The following MPP4 variants were observed in gnomAD, a reference collection of about 807,000 sequenced individuals.
MPP4 encodes the protein MAGUK p55 scaffold protein 4.
A neutral mutation model predicts 98.3 loss-of-function variants in MPP4; 91 were observed. The ratio of observed to expected loss-of-function variants is 0.93; its 90% CI spans 0.78 to 1.10. The LOEUF (loss-of-function observed/expected upper bound fraction) is 1.10. MPP4 is among the 50% of genes least tolerant of loss of function. MPP4 has a pLI of 0.00. For synonymous variants in MPP4, 261 were observed against 271.8 expected, an observed-to-expected ratio of 0.96 and a Z score of 0.39; for missense variants, 744 against 792.9, an observed-to-expected ratio of 0.94 and a Z score of 0.74.
intron 21 of MPP4, chr2:201,646,846 A>C (rs1039885737): frequency 6.6e-6 from 1 of 152,214 alleles, no homozygotes; most frequent in African/African-American, 2.4e-5. Flanking sequence ...CAGGTAAATA[A>C]ATTCTAGAGC....
rs762634677 is a variant in MPP4 at position 201,681,573 on chromosome 2, A to G, written c.661-6T>C. 60 of 1,612,252 alleles carry G rather than the reference A, an allele frequency of 3.7e-5. No homozygotes were observed. The highest frequency in any genetic ancestry group is 1.6e-4 in the Middle Eastern group (1 of 6,080). On this transcript the variant is annotated splice_region_variant and splice_polypyrimidine_tract_variant and intron_variant, in intron 8 of 21. Coordinates refer to ENST00000409474, the MANE Select transcript of MPP4 (RefSeq NM_033066.3). ...ATTGTGCCTCGAGACATGGCCTGGA[A>G]AATAAGAGAGGAGAAAGGATGACAA...
At chr2:201,650,777 T>C (rs1443275272) in intron 18 of MPP4, 1 of 985,256 alleles carries the variant, frequency 1.0e-6, no homozygotes, top group Non-Finnish European at 1.2e-6. Context: ...ACCAGATGCA[T>C]TAATACCCAA....
chr2:201,674,969 G>A (rs142580694), intron 11 of MPP4: 57 of 636,342 alleles, frequency 9.0e-5, no homozygotes, highest in Middle Eastern at 4.1e-4. Context: ...CTATGATTTC[G>A]TCTCTGATCC....
intron 3 of MPP4, among the ~76,000 whole-genome samples, chr2:201,692,019 G>T (rs992700278): frequency 6.6e-6 from 1 of 152,134 alleles, no homozygotes; most frequent in Non-Finnish European, 1.5e-5. Flanking sequence ...ATTCCAGGGG[G>T]CCTCTGGAAG....
intron 15 of MPP4, among the ~76,000 whole-genome samples, chr2:201,659,848 A>G (rs1687975360): frequency 6.6e-6 from 1 of 152,216 alleles, no homozygotes. Flanking sequence ...ATAAACATAT[A>G]TATAAAATAT....
At position 201,655,177 on chromosome 2, in the gene MPP4, T is replaced by C. The variant is rs146407703; in HGVS notation, c.1301-260A>G. On this transcript the variant is annotated intron_variant, in intron 17 of 21. Coordinates refer to ENST00000409474, the MANE Select transcript of MPP4 (RefSeq NM_033066.3). ...ACAGGAACCTGACCCCCAGCAAACTTCATCTAATGTTGAATGCCATGAGAA... is the reference window on the plus strand; with the variant it reads ...ACAGGAACCTGACCCCCAGCAAACTCCATCTAATGTTGAATGCCATGAGAA... Among the ~76,000 whole-genome samples the C allele has an allele frequency of 5.3e-5, 8 of 152,346 alleles. 1 individual carries two copies. The East Asian group carries it at 1.3e-3, about 26-fold the overall frequency.
rs1308489386 is a variant in MPP4, at chr2:201,693,007, A to G, written c.102T>C (p.Leu34=). ...PQNGLSQILR[L]VLQELSLFYG... ...AGAACAGACTCAGCTCTTGCAGCAC[A>G]AGCCTCAGGATCTGGGAGAGGCCTA... The change falls in exon 3 of 22, where the codon CTT becomes CTC. Residue 34 remains leucine (L), a synonymous_variant. Coordinates refer to ENST00000409474, the MANE Select transcript of MPP4 (RefSeq NM_033066.3). 6.2e-7 allele frequency: 1 copy of G among 1,612,744 alleles called. No homozygotes were observed. Among genetic ancestry groups the G allele is most frequent in the Non-Finnish European group, 8.5e-7 (1 of 1,179,478 alleles).
intron 4 of MPP4, 129 bp from the exon 5 acceptor site, chr2:201,687,500 C>A (rs537290450): frequency 1.6e-6 from 1 of 643,558 alleles, no homozygotes; most frequent in African/African-American, 1.8e-5. Flanking sequence ...CTGGAGCCTT[C>A]TTTTTCATCT....
chr2:201,658,133 G>C (rs1029847564), intron 16 of MPP4, among the ~76,000 whole-genome samples: 2 of 152,018 alleles, frequency 1.3e-5, no homozygotes, highest in African/African-American at 4.8e-5. Context: ...GCTCTGCCCA[G>C]GTGACAGATG....
chr2:201,681,328 C>T (rs1688659992), intron 9 of MPP4, among the ~76,000 whole-genome samples, 168 bp downstream of exon 9: 1 of 152,110 alleles, frequency 6.6e-6, no homozygotes, highest in Non-Finnish European at 1.5e-5. Context: ...TTGTACTGTA[C>T]TCATTTACTT....
chr2:201,660,292 A>C (rs755969465), intron 15 of MPP4, 40 bp downstream of exon 15: 1 of 1,556,330 alleles, frequency 6.4e-7, no homozygotes, highest in South Asian at 1.1e-5. Context: ...GATCTTAAAC[A>C]TAGTTCTATT....
intron 16 of MPP4, among the ~76,000 whole-genome samples, chr2:201,657,522 G>C (rs1156235619): frequency 6.7e-6 from 1 of 149,770 alleles, no homozygotes; most frequent in Non-Finnish European, 1.5e-5. Flanking sequence ...AACACTACAG[G>C]ATTCATTCTA....
intron 12 of MPP4, among the ~76,000 whole-genome samples, chr2:201,668,415 GA>G (rs528003498): frequency 9.9e-5 from 15 of 151,770 alleles, no homozygotes; most frequent in African/African-American, 3.6e-4. Context: ...CTTATAAGAA[GA>G]AAAAACACAT....
chr2:201,695,572 T>C (rs1689155353), intron 1 of MPP4, among the ~76,000 whole-genome samples: 1 of 152,186 alleles, frequency 6.6e-6, no homozygotes, highest in South Asian at 2.1e-4. Flanking sequence ...AAGTAACCAC[T>C]GTAGGCAACT....
At chr2:201,649,982 A>C in intron 19 of MPP4, 90 bp downstream of exon 19, 3 of 1,290,746 alleles carry the variant, frequency 2.3e-6, no homozygotes, top group Non-Finnish European at 3.2e-6. Flanking sequence ...GGAATTACCC[A>C]GGAGATTTGG....
chr2:201,667,275 A>G (rs534937351), intron 12 of MPP4, among the ~76,000 whole-genome samples: 215 of 152,344 alleles, frequency 1.4e-3, no homozygotes, highest in Non-Finnish European at 2.5e-3. Flanking sequence ...TAGAGTGGAC[A>G]TCACAGCCTT....
intron 5 of MPP4, 26 bp from the exon 6 acceptor site, chr2:201,686,076 G>C: frequency 6.2e-7 from 1 of 1,607,012 alleles, no homozygotes; most frequent in Non-Finnish European, 8.5e-7. Context: ...GAAAAGGTGA[G>C]CAAATGTCAC....
chr2:201,663,234 T>C (rs1415183621), intron 14 of MPP4, among the ~76,000 whole-genome samples: 2 of 152,060 alleles, frequency 1.3e-5, no homozygotes, highest in African/African-American at 2.4e-5. Context: ...TTGTAACGAG[T>C]TTTGTCCAGC....
intron 9 of MPP4, 23 bp downstream of exon 9, chr2:201,681,473 T>C (rs371192945): frequency 4.4e-6 from 7 of 1,587,682 alleles, no homozygotes; most frequent in South Asian, 3.3e-5. Context: ...GTGTGTGAGA[T>C]TGAAGGCTCA....
Sources: allele counts gnomAD v4.1 joint callset (sites outside exome capture counted in the v4.1 genomes callset), GRCh38; gene constraint gnomAD v4.1.1; transcripts MANE v1.5; gene names NCBI Gene and HGNC (gene_info 2026-07-23, HGNC 2026-07-21).